SPTBN4: variants seen among roughly 807,000 people sequenced by gnomAD.
The protein encoded by SPTBN4 is spectrin beta, non-erythrocytic 4.
A neutral mutation model predicts 277.8 loss-of-function variants in SPTBN4; 96 were observed. The observed-to-expected ratio is 0.35, with a 90% CI of 0.29 to 0.41. The LOEUF (loss-of-function observed/expected upper bound fraction) is 0.41, where lower values mean the gene tolerates loss of function less well. Among genes scored for constraint, SPTBN4 ranks in the 10% least tolerant of loss-of-function variants. The probability of loss-of-function intolerance (pLI) is 1.00; values close to 1 mark genes in which losing one functional copy is unlikely to be tolerated. For synonymous variants in SPTBN4, 1,481 were observed against 1,580.3 expected (o/e 0.94, Z 1.49); for missense variants, 3,006 against 3,595.7 (o/e 0.84, Z 4.19).
rs1454510655 is a variant in SPTBN4, at chr19:40,556,074, C to T, written c.5085-10C>T. 2 of 1,606,508 alleles carry T rather than the reference C, an allele frequency of 1.2e-6. No individual in the cohort carries two copies. Among genetic ancestry groups the T allele is most frequent in the Admixed American group, 1.7e-5 (1 of 59,740 alleles). ...GGGGTCCATCCCTGCCCCTCCATGT[C>T]CCCCTTCAGCGAGCAGATCAGCCGG... is the stretch of plus-strand genomic sequence containing the variant. On this transcript the variant is annotated splice_polypyrimidine_tract_variant and intron_variant, in intron 24 of 35. Transcript: ENST00000598249.
chr19:40,469,289 G>T (rs1053413851), intron 1 of SPTBN4, among the ~76,000 whole-genome samples: 14 of 151,872 alleles, frequency 9.2e-5, no homozygotes, highest in Non-Finnish European at 1.8e-4. Flanking sequence ...TTTTGAGAAG[G>T]AGTCTTACTC....
Position 40,567,914 on chromosome 19 carries a change from G to T in SPTBN4, c.6588G>T (p.Pro2196=), listed in dbSNP as rs957580001. ...TCCAGCCGCGCATTGACCGGCTGCC[G>T]GAGATCCCGGGGAGGGTGGAGCCCG... ...ERLQPRIDRL[P]EIPGRVEPAA... is the part of the protein sequence containing the mutation. The change falls in exon 31 of 36, where the codon CCG becomes CCT. Residue 2196 remains proline (P), a synonymous_variant. Coordinates refer to ENST00000598249, the MANE Select transcript of SPTBN4 (RefSeq NM_020971.3). 2.0e-5 allele frequency: 30 copies of T among 1,522,032 alleles called. No individual in the cohort carries two copies. In the African/African-American group the frequency reaches 4.0e-4, roughly 21 times the overall value. The allele number at this position is 1,522,032 out of a possible 1,614,324, so 94.3% of individuals were successfully genotyped here.
intron 1 of SPTBN4, among the ~76,000 whole-genome samples, chr19:40,469,957 T>C (rs1033448530): frequency 6.6e-6 from 1 of 151,648 alleles, no homozygotes; most frequent in Admixed American, 6.6e-5. Flanking sequence ...TTCTTCTTTT[T>C]TTAAATAATT....
rs1164244482 is a variant in SPTBN4, at chr19:40,575,437, T to C, written c.7563T>C (p.Ala2521=). The change falls in exon 36 of 36, where the codon GCT becomes GCC. Residue 2521 remains alanine, a synonymous_variant. Transcript: ENST00000598249. ...AGGAGATGAACGGCTGGCTGGAGGC[T>C]GTAGCTTCCTCGGTGGCGGAACACG... ...DEEEMNGWLE[A]VASSVAEHAE... 3.1e-6 allele frequency: 5 copies of C among 1,613,308 alleles called. No individual in the cohort carries two copies. The African/African-American group carries it at 4.0e-5, about 13-fold the overall frequency.
intron 13 of SPTBN4, among the ~76,000 whole-genome samples, chr19:40,511,916 G>A (rs1339108666): frequency 6.6e-6 from 1 of 151,910 alleles, no homozygotes; most frequent in Non-Finnish European, 1.5e-5. Flanking sequence ...TGGAGGTCAG[G>A]AGTTTGAGAC....
chr19:40,504,209 A>G lies in SPTBN4; in HGVS notation c.1665+77A>G. The G allele has an allele frequency of 2.7e-6, 4 of 1,458,228 alleles. No homozygotes were observed. In the East Asian group the frequency reaches 6.9e-5, roughly 25 times the overall value. 90.3% of individuals were successfully genotyped at this position (1,458,228 alleles called of 1,614,324 possible). ...ATGCAGACGCTGAAAGAGTTGTCAG[A>G]CAGCTGGAGATGGAGAGGGAAGGGC... On this transcript the variant is annotated intron_variant, in intron 12 of 35. Coordinates refer to ENST00000598249, the MANE Select transcript of SPTBN4 (RefSeq NM_020971.3).
chr19:40,487,860 T>C lies in SPTBN4; in HGVS notation c.321+12T>C, dbSNP rs778069105. ...CTGGGGAGCAGCTGGTGAGGGGGCCTGAAGGGCTGGGGCAGGGGTCCTCCC... is the reference window on the plus strand; with the variant it reads ...CTGGGGAGCAGCTGGTGAGGGGGCCCGAAGGGCTGGGGCAGGGGTCCTCCC... On this transcript the variant is annotated intron_variant, in intron 3 of 35. Coordinates refer to ENST00000598249, the MANE Select transcript of SPTBN4 (RefSeq NM_020971.3). 2 of 1,588,542 alleles carry C rather than the reference T, an allele frequency of 1.3e-6. No homozygotes were observed. The highest frequency in any genetic ancestry group is 1.7e-5 in the Admixed American group (1 of 57,658).
At chr19:40,479,793 G>C (rs2079989593) in intron 2 of SPTBN4, among the ~76,000 whole-genome samples, 1 of 150,104 alleles carries the variant, frequency 6.7e-6, no homozygotes, top group African/African-American at 2.5e-5. Flanking sequence ...CTTGTAACCA[G>C]CACCCATATT....
chr19:40,470,330 G>A (rs768695501), intron 1 of SPTBN4, among the ~76,000 whole-genome samples: 2 of 151,442 alleles, frequency 1.3e-5, no homozygotes, highest in Non-Finnish European at 1.5e-5. Flanking sequence ...GTTTGAGATG[G>A]TGTCTCGCCC....
intron 2 of SPTBN4, among the ~76,000 whole-genome samples, chr19:40,483,176 C>T (rs997411789): frequency 6.6e-6 from 1 of 151,934 alleles, no homozygotes; most frequent in Admixed American, 6.6e-5. Flanking sequence ...GAGAAGTCAC[C>T]TGGCCAGTTA....
intron 33 of SPTBN4, 107 bp from the exon 34 acceptor site, chr19:40,571,912 G>T: frequency 7.4e-7 from 1 of 1,346,310 alleles, no homozygotes; most frequent in Non-Finnish European, 9.9e-7. Flanking sequence ...GGGCGCAAAG[G>T]TCCAGAGGTA....
At chr19:40,472,925 C>A in intron 2 of SPTBN4, 135 bp downstream of exon 2, 1 of 911,646 alleles carries the variant, frequency 1.1e-6, no homozygotes, top group Non-Finnish European at 1.6e-6. Context: ...TGGAAATAGT[C>A]TATATCCATA....
In SPTBN4 at chr19:40,519,507, C is replaced by T; in HGVS notation, c.3010C>T (p.Arg1004Cys). The T allele has an allele frequency of 6.2e-7, 1 of 1,606,290 alleles. No individual in the cohort carries two copies. Among genetic ancestry groups the T allele is most frequent in the Non-Finnish European group, 8.5e-7 (1 of 1,177,548 alleles). Residue 1004 changes from arginine to cysteine, a missense_variant, in exon 16 of 36, where the codon CGT becomes TGT. Arg to Cys is a radical substitution (Grantham distance 180). Around this residue, in one of 5 missense-constraint regions of SPTBN4, gnomAD observed 1,759 missense variants for 2,061.5 expected, o/e 0.85. Transcript: ENST00000598249. The surrounding 1 kb of genome is among the most constrained non-coding windows in gnomAD (Gnocchi z 5.7). The stretch of plus-strand genomic sequence containing the variant: ...GGTGGCCGAGGTGCGCGCCCAGGTG[C>T]GTGAGAAGCGGAGAGCTGTGGAGAG... ...LEVAEVRAQV[R>C]EKRRAVESAP...
intron 26 of SPTBN4, among the ~76,000 whole-genome samples, chr19:40,559,222 G>A (rs1180830706): frequency 6.6e-6 from 1 of 151,788 alleles, no homozygotes; most frequent in African/African-American, 2.4e-5. Context: ...GAGCCACCGC[G>A]CCCAGCCCAG....
At chr19:40,488,805 G>A (rs1020503005) in intron 3 of SPTBN4, among the ~76,000 whole-genome samples, 1 of 151,902 alleles carries the variant, frequency 6.6e-6, no homozygotes, top group Non-Finnish European at 1.5e-5. Context: ...GCGAGACTCT[G>A]TTTCTCTCTC....
At position 40,519,366 on chromosome 19, in the gene SPTBN4, T is replaced by C. The variant is rs2080495826; in HGVS notation, c.2904-35T>C. On this transcript the variant is annotated intron_variant, in intron 15 of 35. Transcript: ENST00000598249. This position sits in a 1 kb window ranked among gnomAD's most constrained non-coding sequence, Gnocchi z 5.7. ...GCCCTCCGCGCCCAAGAGGAGTCCC[T>C]GTCCTCCTCAAGTCACTCTCTTTCC... 1 of 1,475,482 alleles carries C rather than the reference T, an allele frequency of 6.8e-7. No homozygotes were observed. Among genetic ancestry groups the C allele is most frequent in the Non-Finnish European group, 9.0e-7 (1 of 1,114,646 alleles). The allele number at this position is 1,475,482 out of a possible 1,614,324, so 91.4% of individuals were successfully genotyped here.
intron 13 of SPTBN4, among the ~76,000 whole-genome samples, chr19:40,511,991 G>A (rs1452020253): frequency 6.6e-6 from 1 of 152,138 alleles, no homozygotes; most frequent in Admixed American, 6.5e-5. Flanking sequence ...AGGCGTGGTG[G>A]CGGGCGCCTG....
chr19:40,488,788 C>T (rs1201743126), intron 3 of SPTBN4, among the ~76,000 whole-genome samples: 1 of 151,984 alleles, frequency 6.6e-6, no homozygotes, highest in Non-Finnish European at 1.5e-5. Context: ...GCAGCCTGGG[C>T]GACAAAGCGA....
chr19:40,524,543 G>A, intron 17 of SPTBN4: 1 of 454,436 alleles, frequency 2.2e-6, no homozygotes, highest in Non-Finnish European at 4.4e-6. Context: ...TACTTCCCTA[G>A]ATGCCTCATT....
Sources: allele counts gnomAD v4.1 joint callset (sites outside exome capture counted in the v4.1 genomes callset), GRCh38; gene constraint gnomAD v4.1.1; regional missense constraint gnomAD v4.1.1; non-coding constraint Gnocchi (gnomAD v3.1); transcripts MANE v1.5; gene names NCBI Gene and HGNC (gene_info 2026-07-23, HGNC 2026-07-21).